Variants in NTM observed in about 807,000 individuals in gnomAD.
The protein encoded by NTM is IgLON family member 2.
NTM carries 13 observed loss-of-function variants against 42.1 expected under a neutral mutation model. The observed-to-expected ratio is 0.31, with a 90% confidence interval of 0.20 to 0.49. The LOEUF (loss-of-function observed/expected upper bound fraction) is 0.49, where lower values mean the gene tolerates loss of function less well. Ranked by LOEUF, NTM falls within the 20% of genes least tolerant of loss-of-function variation. The probability of loss-of-function intolerance (pLI) is 0.99; values close to 1 mark genes in which losing one functional copy is unlikely to be tolerated. For synonymous variants in NTM, 187 were observed against 179.2 expected, an observed-to-expected ratio of 1.04 and a Z score of -0.35; for missense variants, 373 against 452.8, an observed-to-expected ratio of 0.82 and a Z score of 1.60.
rs75088063 is a variant in NTM, at chr11:131,378,433, G to A, written c.82+7545G>A. Among the ~76,000 whole-genome samples, 538 of 152,312 alleles carry A rather than the reference G, an allele frequency of 3.5e-3. 2 individuals are homozygous for A. The highest frequency in any genetic ancestry group is 0.012 in the African/African-American group (517 of 41,566). ...AGCACCAGCCTCTGCCTGCAGGAAG[G>A]TAAGAATATAAACAGCATCACAGAC... On this transcript the variant is annotated intron_variant, in intron 1 of 8. Coordinates refer to ENST00000683400, the MANE Select transcript of NTM (RefSeq NM_001352005.2).
chr11:131,444,953 C>T (rs1949936815), intron 1 of NTM, among the ~76,000 whole-genome samples: 1 of 152,160 alleles, frequency 6.6e-6, no homozygotes, highest in Admixed American at 6.5e-5. Flanking sequence ...ATCAGTGCTT[C>T]TCAAACTTTT....
chr11:131,814,984 TTTTG>T (rs1237781408), intron 1 of NTM, among the ~76,000 whole-genome samples: 1 of 151,792 alleles, frequency 6.6e-6, no homozygotes, highest in Non-Finnish European at 1.5e-5. Flanking sequence ...GGGCCATGGA[TTTTG>T]ATCTTCTTCA....
intron 2 of NTM, among the ~76,000 whole-genome samples, chr11:132,059,691 G>A (rs1359753164): frequency 6.6e-6 from 1 of 152,022 alleles, no homozygotes; most frequent in East Asian, 1.9e-4. Flanking sequence ...CAGTTCCCAT[G>A]GACTCCACTT....
At chr11:131,377,656 T>C (rs1173876980) in intron 1 of NTM, among the ~76,000 whole-genome samples, 3 of 152,248 alleles carry the variant, frequency 2.0e-5, no homozygotes, top group Non-Finnish European at 4.4e-5. Flanking sequence ...TTTCTTCTGA[T>C]GGAATACAGT....
chr11:131,518,001 C>T (rs1431077225), intron 1 of NTM, among the ~76,000 whole-genome samples: 1 of 152,282 alleles, frequency 6.6e-6, no homozygotes, highest in South Asian at 2.1e-4. Flanking sequence ...ATTATCATGT[C>T]TCTCATTTGT....
intron 2 of NTM, among the ~76,000 whole-genome samples, chr11:131,996,892 A>G (rs1188464307): frequency 6.6e-6 from 1 of 152,074 alleles, no homozygotes; most frequent in Non-Finnish European, 1.5e-5. Context: ...CCGCCCCTCT[A>G]GATGGAGGGA....
intron 1 of NTM, among the ~76,000 whole-genome samples, chr11:131,443,232 G>C (rs1039157376): frequency 1.3e-5 from 2 of 152,136 alleles, no homozygotes; most frequent in African/African-American, 4.8e-5. Context: ...GCACTGGAAA[G>C]AAGGGAAATG....
chr11:131,910,592 G>T (rs1321757859), intron 1 of NTM, among the ~76,000 whole-genome samples: 2 of 150,942 alleles, frequency 1.3e-5, no homozygotes, highest in Non-Finnish European at 3.0e-5. Context: ...TGACAACCCC[G>T]GCGGTCGGGG....
At chr11:131,936,513 G>T (rs2059234018) in intron 2 of NTM, among the ~76,000 whole-genome samples, 1 of 152,134 alleles carries the variant, frequency 6.6e-6, no homozygotes, top group Non-Finnish European at 1.5e-5. Flanking sequence ...AGGAGGTGAG[G>T]GTTGGAAAAC....
intron 1 of NTM, among the ~76,000 whole-genome samples, chr11:131,756,541 A>G (rs930044399): frequency 6.7e-6 from 1 of 149,304 alleles, no homozygotes; most frequent in Non-Finnish European, 1.5e-5. Flanking sequence ...AAAAAAAATT[A>G]GCTGAGTCTG....
intron 1 of NTM, among the ~76,000 whole-genome samples, chr11:131,852,694 C>T (rs995063175): frequency 1.3e-5 from 2 of 152,100 alleles, no homozygotes; most frequent in African/African-American, 4.8e-5. Context: ...TTGAAGTATA[C>T]CTAGGAAGGA....
chr11:131,590,506 G>A (rs1313645870), intron 1 of NTM, among the ~76,000 whole-genome samples: 3 of 152,178 alleles, frequency 2.0e-5, no homozygotes, highest in Admixed American at 6.5e-5. Flanking sequence ...GCACTGGACT[G>A]GTCTCTGGTG....
chr11:131,460,800 C>T (rs992434018), intron 1 of NTM, among the ~76,000 whole-genome samples: 7 of 152,266 alleles, frequency 4.6e-5, no homozygotes, highest in Admixed American at 3.3e-4. Flanking sequence ...ATGATCCGCC[C>T]GCTTGGGCCT....
At chr11:132,101,055 A>T (rs959764694) in intron 2 of NTM, among the ~76,000 whole-genome samples, 3 of 152,214 alleles carry the variant, frequency 2.0e-5, no homozygotes, top group Non-Finnish European at 2.9e-5. Context: ...GTTGTCTCCA[A>T]TCCACTAAAT....
At chr11:131,975,307 A>C (rs2134772107) in intron 2 of NTM, among the ~76,000 whole-genome samples, 1 of 152,148 alleles carries the variant, frequency 6.6e-6, no homozygotes, top group Admixed American at 6.5e-5. Context: ...CAGCCTCCCA[A>C]GTAACAGGAC....
intron 2 of NTM, among the ~76,000 whole-genome samples, chr11:131,947,477 C>G (rs2060472699): frequency 6.6e-6 from 1 of 152,134 alleles, no homozygotes; most frequent in African/African-American, 2.4e-5. Context: ...ATCCCAGCAC[C>G]TACAGAGAAC....
At chr11:131,776,089 G>A (rs2086924127) in intron 1 of NTM, among the ~76,000 whole-genome samples, 1 of 152,152 alleles carries the variant, frequency 6.6e-6, no homozygotes, top group Non-Finnish European at 1.5e-5. Flanking sequence ...AGGTGATGCT[G>A]AGAACCTTGA....
intron 1 of NTM, among the ~76,000 whole-genome samples, chr11:131,643,653 C>T (rs2065413031): frequency 2.6e-5 from 4 of 152,212 alleles, no homozygotes; most frequent in Admixed American, 2.6e-4. Flanking sequence ...CTGAACCACC[C>T]TGTCTATCAT....
At chr11:131,725,866 TGTG>T (rs937175234) in intron 1 of NTM, among the ~76,000 whole-genome samples, 1 of 152,096 alleles carries the variant, frequency 6.6e-6, no homozygotes, top group African/African-American at 2.4e-5. Context: ...CTGGAGAGCT[TGTG>T]GAGCGACAGA....
Sources: gnomAD v4.1 joint callset for allele counts (sites outside exome capture counted in the v4.1 genomes callset) on GRCh38, gnomAD v4.1.1 for gene constraint, MANE v1.5 for transcripts, NCBI Gene and HGNC (gene_info 2026-07-23, HGNC 2026-07-21) for gene names.